The following EPDR1 variants were observed in gnomAD, a reference collection of about 807,000 sequenced individuals.
The protein encoded by EPDR1 is ependymin related 1, also known as mammalian ependymin-related protein 1.
A neutral mutation model predicts 23.7 loss-of-function variants in EPDR1; 27 were observed. The observed-to-expected ratio is 1.14, with a 90% CI of 0.84 to 1.57. The LOEUF (loss-of-function observed/expected upper bound fraction) is 1.57, where lower values mean the gene tolerates loss of function less well. Among genes scored for constraint, EPDR1 ranks in the 40% most tolerant of loss-of-function variants. The pLI, the probability that EPDR1 is intolerant of heterozygous loss-of-function variation, is 0.00. For synonymous variants in EPDR1, 137 were observed against 118.2 expected, an observed-to-expected ratio of 1.16 and a Z score of -1.03; for missense variants, 349 against 290.4, an observed-to-expected ratio of 1.20 and a Z score of -1.47.
In EPDR1 at chr7:37,950,562, G is replaced by A. The variant is rs1786382770; in HGVS notation, c.*166G>A. The stretch of plus-strand genomic sequence containing the variant: ...GATGTGTCTGATTTTGACTACTCAA[G>A]CTCTGTTTACAGAAGAAAATTGAAT... On this transcript the variant is annotated 3_prime_UTR_variant, in exon 3 of 3. Transcript: ENST00000199448. 1 of 698,646 alleles carries A rather than the reference G, an allele frequency of 1.4e-6. No individual in the cohort carries two copies. The highest frequency in any genetic ancestry group is 2.3e-6 in the Non-Finnish European group (1 of 431,790). The allele number at this position is 698,646 out of a possible 1,614,324, so 43.3% of individuals were successfully genotyped here.
intron 1 of EPDR1, among the ~76,000 whole-genome samples, chr7:37,938,145 C>T (rs192035251): frequency 2.0e-5 from 3 of 151,932 alleles, no homozygotes; most frequent in African/African-American, 7.2e-5. Context: ...TGTCAGCCAC[C>T]ATGCCTGGCT....
chr7:37,932,521 C>T (rs1180284788), intron 1 of EPDR1, among the ~76,000 whole-genome samples: 1 of 152,160 alleles, frequency 6.6e-6, no homozygotes, highest in Non-Finnish European at 1.5e-5. Context: ...TATCCCAAAT[C>T]CCAGTGAAAA....
At chr7:37,926,940 T>C (rs1785825309) in intron 1 of EPDR1, among the ~76,000 whole-genome samples, 1 of 152,246 alleles carries the variant, frequency 6.6e-6, no homozygotes, top group African/African-American at 2.4e-5. Flanking sequence ...CGTTGTTTAC[T>C]TTGCTGTTCA....
intron 1 of EPDR1, among the ~76,000 whole-genome samples, chr7:37,935,126 A>G (rs1786022495): frequency 6.6e-6 from 1 of 152,184 alleles, no homozygotes. Context: ...AAGGGACTTG[A>G]GCATCTGTGA....
At chr7:37,934,443 C>CTTTTT (rs201896724) in intron 1 of EPDR1, among the ~76,000 whole-genome samples, 1 of 148,862 alleles carries the variant, frequency 6.7e-6, no homozygotes, top group Non-Finnish European at 1.5e-5. Context: ...GGACTCTCCT[C>CTTTTT]TTTTTTTTTT....
rs773406621 is a variant in EPDR1, at chr7:37,920,748, GTCCCGGCTACC to G, written c.-191_-181del. ...TCACTGGAGCCTTCCCCGGGCCCTG[GTCCCGGCTACC>G]GGGACTCGCGCGTCCGGATCTCAAA... On this transcript the variant is annotated 5_prime_UTR_variant, in exon 1 of 3. Transcript: ENST00000199448. The G allele has an allele frequency of 6.2e-7, 1 of 1,609,520 alleles. No homozygotes were observed. Among genetic ancestry groups the G allele is most frequent in the African/African-American group, 1.3e-5 (1 of 74,872 alleles).
intron 1 of EPDR1, among the ~76,000 whole-genome samples, chr7:37,947,818 T>C (rs1328177942): frequency 6.6e-6 from 1 of 152,192 alleles, no homozygotes; most frequent in Non-Finnish European, 1.5e-5. Context: ...ATGCCAATAC[T>C]GCATGGCTGG....
intron 1 of EPDR1, among the ~76,000 whole-genome samples, chr7:37,943,708 A>T (rs899496681): frequency 2.6e-5 from 4 of 152,250 alleles, no homozygotes; most frequent in African/African-American, 9.6e-5. Context: ...TAAAAAAGCA[A>T]ATATTTTGAA....
intron 1 of EPDR1, chr7:37,926,821 G>A (rs1458976946): frequency 9.9e-6 from 4 of 402,682 alleles, no homozygotes; most frequent in Admixed American, 2.6e-5. Context: ...GATTTGGTAG[G>A]GAAATATTTT....
chr7:37,926,478 CAA>C (rs55920283), intron 1 of EPDR1, among the ~76,000 whole-genome samples: 26,296 of 120,192 alleles, frequency 0.22, 2,392 homozygotes, highest in Middle Eastern at 0.27. Context: ...TTCTTCATAG[CAA>C]AAAAAAAAAA....
intron 1 of EPDR1, among the ~76,000 whole-genome samples, chr7:37,935,962 C>A (rs1397727019): frequency 9.0e-6 from 1 of 111,426 alleles, no homozygotes; most frequent in Non-Finnish European, 1.9e-5. Context: ...ATAATCTAAA[C>A]GGACATGATT....
chr7:37,923,653 C>T (rs1348260465), intron 1 of EPDR1, among the ~76,000 whole-genome samples: 2 of 151,902 alleles, frequency 1.3e-5, no homozygotes, highest in Non-Finnish European at 2.9e-5. Flanking sequence ...GATAAGGGTT[C>T]ATCTCTCCAA....
chr7:37,936,062 T>A (rs1786045724), intron 1 of EPDR1, among the ~76,000 whole-genome samples: 1 of 108,348 alleles, frequency 9.2e-6, no homozygotes, highest in African/African-American at 3.2e-5. Context: ...TGTGAATCTG[T>A]TAAAATTATT....
At position 37,950,940 on chromosome 7, in the gene EPDR1, C is replaced by T. The variant is rs982356145; in HGVS notation, c.*544C>T. The stretch of plus-strand genomic sequence containing the variant: ...CCCTTGGTTGCCAAAAAAATGATAA[C>T]TTAAATCCCTTCCAGACTTAAGAAT... On this transcript the variant is annotated 3_prime_UTR_variant, in exon 3 of 3. Transcript: ENST00000199448. 1.3e-5 allele frequency: 2 copies of T among 152,258 alleles called. No homozygotes were observed. Among genetic ancestry groups the T allele is most frequent in the Non-Finnish European group, 2.9e-5 (2 of 68,106 alleles). 9.4% of individuals were successfully genotyped at this position (152,258 alleles called of 1,614,324 possible). A position where few individuals can be genotyped will look rare whatever the true frequency, so the allele number is the denominator to read the frequency against.
intron 1 of EPDR1, among the ~76,000 whole-genome samples, chr7:37,936,866 T>C (rs1786064206): frequency 6.6e-6 from 1 of 152,176 alleles, no homozygotes; most frequent in Non-Finnish European, 1.5e-5. Flanking sequence ...TTTAACTGAA[T>C]TCCAATAAAT....
intron 1 of EPDR1, among the ~76,000 whole-genome samples, chr7:37,927,128 GAAT>G (rs1270866581): frequency 8.5e-5 from 13 of 152,132 alleles, no homozygotes; most frequent in Admixed American, 6.5e-5. Flanking sequence ...TTTTCCTGGA[GAAT>G]AATATGTGGA....
intron 1 of EPDR1, among the ~76,000 whole-genome samples, chr7:37,933,929 G>GT (rs1785994403): frequency 6.6e-6 from 1 of 150,904 alleles, no homozygotes; most frequent in Middle Eastern, 3.5e-3. Flanking sequence ...TGATTCAACA[G>GT]TTTCATCAAG....
chr7:37,930,557 T>TGTC lies in EPDR1; in HGVS notation c.269+9350_269+9352dup, dbSNP rs1402466811. Among the ~76,000 whole-genome samples the TGTC allele has an allele frequency of 4.6e-5, 7 of 152,312 alleles. No individual in the cohort carries two copies. In the South Asian group the frequency reaches 1.4e-3, roughly 32 times the overall value. ...TCTTCTCACAGTCAAGCCCTCCACCTGTCCCTTGTCACACACCCTGTCCTT... is the reference window on the plus strand; with the variant it reads ...TCTTCTCACAGTCAAGCCCTCCACCTGTCGTCCCTTGTCACACACCCTGTCCTT... On this transcript the variant is annotated intron_variant, in intron 1 of 2. Coordinates refer to ENST00000199448, the MANE Select transcript of EPDR1 (RefSeq NM_017549.5).
intron 1 of EPDR1, among the ~76,000 whole-genome samples, chr7:37,923,890 G>C (rs990384425): frequency 6.6e-6 from 1 of 152,134 alleles, no homozygotes; most frequent in Non-Finnish European, 1.5e-5. Context: ...ATGTCTGATA[G>C]TACGCACAAG....
Sources: allele counts gnomAD v4.1 joint callset (sites outside exome capture counted in the v4.1 genomes callset), GRCh38; gene constraint gnomAD v4.1.1; transcripts MANE v1.5; gene names NCBI Gene and HGNC (gene_info 2026-07-23, HGNC 2026-07-21).